The following PCDH9 variants were observed in gnomAD, a reference collection of about 807,000 sequenced individuals.
The protein encoded by PCDH9 is protocadherin 9, also known as protocadherin-9.
Under a neutral mutation model 70.6 loss-of-function variants are expected in PCDH9, and 24 were observed. The ratio of observed to expected loss-of-function variants is 0.34; its 90% CI spans 0.25 to 0.48. The LOEUF is 0.48. Ranked by LOEUF, PCDH9 falls within the 20% of genes least tolerant of loss-of-function variation. The pLI is 0.99. For missense variants in PCDH9, 1,281 were observed against 1,503.6 expected, an observed-to-expected ratio of 0.85 and a Z score of 2.45; for synonymous variants, 562 against 558.5, an observed-to-expected ratio of 1.01 and a Z score of -0.09.
At chr13:66,730,886 T>G (rs1219748851) in intron 3 of PCDH9, among the ~76,000 whole-genome samples, 1 of 85,746 alleles carries the variant, frequency 1.2e-5, no homozygotes, top group African/African-American at 4.6e-5. Flanking sequence ...GTTTTTTTTT[T>G]GTTTGTTTCT....
intron 2 of PCDH9, among the ~76,000 whole-genome samples, chr13:66,913,032 GC>G (rs2082495429): frequency 6.6e-6 from 1 of 152,088 alleles, no homozygotes; most frequent in Non-Finnish European, 1.5e-5. Context: ...TCAACCTTCA[GC>G]CAATGAAATC....
intron 3 of PCDH9, among the ~76,000 whole-genome samples, chr13:66,803,902 A>G (rs1438740985): frequency 6.6e-6 from 1 of 152,162 alleles, no homozygotes; most frequent in Non-Finnish European, 1.5e-5. Flanking sequence ...TGAGACAGAC[A>G]TGCTGTTAAG....
intron 3 of PCDH9, among the ~76,000 whole-genome samples, chr13:66,748,138 G>T (rs914882090): frequency 6.6e-6 from 1 of 152,170 alleles, no homozygotes; most frequent in South Asian, 2.1e-4. Context: ...TAAGAGGTAG[G>T]AAACCTTAGC....
At chr13:66,549,640 G>A (rs1290060981) in intron 4 of PCDH9, among the ~76,000 whole-genome samples, 1 of 152,062 alleles carries the variant, frequency 6.6e-6, no homozygotes, top group African/African-American at 2.4e-5. Flanking sequence ...AATTTTTTAA[G>A]AGTTTGAATC....
At chr13:66,404,039 T>C (rs746968072) in intron 4 of PCDH9, among the ~76,000 whole-genome samples, 7 of 152,186 alleles carry the variant, frequency 4.6e-5, no homozygotes, top group Non-Finnish European at 5.9e-5. Context: ...GCTTTTCTAA[T>C]ACAGCTTAAA....
At chr13:67,018,654 A>G (rs959760448) in intron 2 of PCDH9, among the ~76,000 whole-genome samples, 6 of 151,088 alleles carry the variant, frequency 4.0e-5, no homozygotes, top group Non-Finnish European at 8.9e-5. Context: ...GATACAAGGG[A>G]TAGCCAATAA....
At chr13:66,932,241 T>C (rs2082823143) in intron 2 of PCDH9, among the ~76,000 whole-genome samples, 1 of 152,136 alleles carries the variant, frequency 6.6e-6, no homozygotes, top group Non-Finnish European at 1.5e-5. Flanking sequence ...GTGTTTAATA[T>C]TAAAGTATAT....
At chr13:66,685,703 G>T (rs2078391592) in intron 3 of PCDH9, among the ~76,000 whole-genome samples, 1 of 152,198 alleles carries the variant, frequency 6.6e-6, no homozygotes, top group African/African-American at 2.4e-5. Flanking sequence ...AAATCATGTG[G>T]GTGGAGCTGC....
At chr13:67,166,602 C>A (rs1443117745) in intron 2 of PCDH9, among the ~76,000 whole-genome samples, 1 of 152,110 alleles carries the variant, frequency 6.6e-6, no homozygotes, top group Non-Finnish European at 1.5e-5. Flanking sequence ...ATGAAAGTGT[C>A]CGGTTATTTT....
At chr13:66,855,455 A>G (rs964367331) in intron 3 of PCDH9, among the ~76,000 whole-genome samples, 4 of 152,004 alleles carry the variant, frequency 2.6e-5, no homozygotes, top group African/African-American at 9.7e-5. Flanking sequence ...TGATGGGACC[A>G]CTGTTATTAA....
At chr13:66,484,112 T>C (rs1484226849) in intron 4 of PCDH9, among the ~76,000 whole-genome samples, 1 of 152,120 alleles carries the variant, frequency 6.6e-6, no homozygotes, top group Non-Finnish European at 1.5e-5. Flanking sequence ...CAATACAATC[T>C]TGCATTTATT....
At chr13:66,373,904 A>T (rs771268595) in intron 4 of PCDH9, among the ~76,000 whole-genome samples, 14 of 152,128 alleles carry the variant, frequency 9.2e-5, no homozygotes, top group Non-Finnish European at 1.8e-4. Context: ...AAAACAATTT[A>T]TCAGTAATAC....
chr13:66,838,712 A>G (rs146400249), intron 3 of PCDH9, among the ~76,000 whole-genome samples: 569 of 152,214 alleles, frequency 3.7e-3, no homozygotes, highest in Non-Finnish European at 6.3e-3. Context: ...TCTTATTACA[A>G]ACACAGTTAA....
intron 2 of PCDH9, among the ~76,000 whole-genome samples, chr13:67,114,962 G>A (rs1332142914): frequency 2.6e-5 from 4 of 152,222 alleles, no homozygotes; most frequent in South Asian, 2.1e-4. Context: ...ACACTTACCC[G>A]TTTGTGTTAG....
chr13:67,056,630 T>C (rs867526757), intron 2 of PCDH9, among the ~76,000 whole-genome samples: 1 of 152,156 alleles, frequency 6.6e-6, no homozygotes, highest in East Asian at 1.9e-4. Context: ...TATAATAATA[T>C]AAAAACCTTG....
At chr13:66,414,139 C>A (rs989801589) in intron 4 of PCDH9, among the ~76,000 whole-genome samples, 2 of 152,226 alleles carry the variant, frequency 1.3e-5, no homozygotes, top group Admixed American at 1.3e-4. Flanking sequence ...TTATGTAGTT[C>A]ATTTATTTTC....
chr13:67,042,441 A>T (rs1594431562), intron 2 of PCDH9, among the ~76,000 whole-genome samples: 1 of 152,262 alleles, frequency 6.6e-6, no homozygotes, highest in East Asian at 1.9e-4. Flanking sequence ...CCATCAGATC[A>T]TGCCAAAGGA....
At chr13:67,004,266 G>GT (rs2084303073) in intron 2 of PCDH9, among the ~76,000 whole-genome samples, 1 of 151,766 alleles carries the variant, frequency 6.6e-6, no homozygotes, top group African/African-American at 2.4e-5. Flanking sequence ...GCTTCTTAAA[G>GT]TTTTTTAAAA....
intron 3 of PCDH9, among the ~76,000 whole-genome samples, chr13:66,817,911 A>C (rs2080637356): frequency 6.6e-6 from 1 of 152,190 alleles, no homozygotes; most frequent in Non-Finnish European, 1.5e-5. Flanking sequence ...TACAGGAGTG[A>C]GCCACCACAC....
Sources: gnomAD v4.1 joint callset for allele counts (sites outside exome capture counted in the v4.1 genomes callset) on GRCh38, gnomAD v4.1.1 for gene constraint, MANE v1.5 for transcripts, NCBI Gene and HGNC (gene_info 2026-07-23, HGNC 2026-07-21) for gene names.